PPFIBP1: variants seen among roughly 807,000 people sequenced by gnomAD.
PPFIBP1 encodes the protein liprin-beta-1.
A neutral mutation model predicts 137.8 loss-of-function variants in PPFIBP1; 112 were observed. That is an observed-to-expected ratio of 0.81 (90% CI 0.70 to 0.95). The LOEUF is 0.95. Ranked by LOEUF, PPFIBP1 falls within the 40% of genes least tolerant of loss-of-function variation. PPFIBP1 has a pLI of 0.00. For missense variants in PPFIBP1, 1,083 were observed against 1,196.6 expected, an observed-to-expected ratio of 0.91 and a Z score of 1.40; for synonymous variants, 378 against 417.3, an observed-to-expected ratio of 0.91 and a Z score of 1.15.
intron 1 of PPFIBP1, among the ~76,000 whole-genome samples, chr12:27,556,881 TCAAA>T (rs1158211686): frequency 4.3e-4 from 65 of 151,852 alleles, no homozygotes; most frequent in African/African-American, 1.5e-3. Flanking sequence ...TTACATTTGC[TCAAA>T]CATATATGTT....
At chr12:27,583,118 A>C (rs1338722759) in intron 2 of PPFIBP1, among the ~76,000 whole-genome samples, 1 of 152,168 alleles carries the variant, frequency 6.6e-6, no homozygotes, top group Non-Finnish European at 1.5e-5. Flanking sequence ...TTTGGATGTA[A>C]CTTTTCTTGC....
At chr12:27,655,597 G>T (rs975546154) in intron 8 of PPFIBP1, among the ~76,000 whole-genome samples, 1 of 152,208 alleles carries the variant, frequency 6.6e-6, no homozygotes, top group Non-Finnish European at 1.5e-5. Flanking sequence ...GATGGTAAAT[G>T]TACAGCAGTT....
chr12:27,632,326 A>ATG (rs2057322808), intron 2 of PPFIBP1, among the ~76,000 whole-genome samples: 1 of 152,226 alleles, frequency 6.6e-6, no homozygotes, highest in East Asian at 1.9e-4. Flanking sequence ...GGGAAACAGC[A>ATG]TGCCCTTTAT....
intron 4 of PPFIBP1, among the ~76,000 whole-genome samples, chr12:27,645,280 A>C (rs1305219582): frequency 6.6e-6 from 1 of 152,196 alleles, no homozygotes; most frequent in Non-Finnish European, 1.5e-5. Flanking sequence ...CGTACGTTTC[A>C]AAGTGGTGCT....
At chr12:27,559,491 A>G (rs757369883) in intron 1 of PPFIBP1, among the ~76,000 whole-genome samples, 3 of 152,192 alleles carry the variant, frequency 2.0e-5, no homozygotes, top group Non-Finnish European at 2.9e-5. Context: ...TTCAACATCA[A>G]TGAGTATGTA....
At chr12:27,591,873 A>G (rs2052557896) in intron 2 of PPFIBP1, among the ~76,000 whole-genome samples, 1 of 152,196 alleles carries the variant, frequency 6.6e-6, no homozygotes, top group Non-Finnish European at 1.5e-5. Flanking sequence ...ATTGAAATTA[A>G]TTTCCTCAGT....
chr12:27,674,762 G>T (rs1191650417), intron 17 of PPFIBP1, among the ~76,000 whole-genome samples: 1 of 149,298 alleles, frequency 6.7e-6, no homozygotes, highest in Non-Finnish European at 1.5e-5. Flanking sequence ...CAAACATTTT[G>T]GTATGTTTAA....
chr12:27,527,851 T>C (rs1045114705), intron 1 of PPFIBP1, among the ~76,000 whole-genome samples: 1 of 152,222 alleles, frequency 6.6e-6, no homozygotes, highest in Non-Finnish European at 1.5e-5. Flanking sequence ...GATTATTTTG[T>C]TATTTTTAAC....
intron 17 of PPFIBP1, among the ~76,000 whole-genome samples, chr12:27,675,763 A>G (rs1358810495): frequency 6.6e-6 from 1 of 152,166 alleles, no homozygotes; most frequent in Non-Finnish European, 1.5e-5. Flanking sequence ...CATGACATTG[A>G]TCTAGGCAAA....
rs572700507 is a variant in PPFIBP1, at chr12:27,693,004, C to T, written c.*122C>T. The T allele has an allele frequency of 1.7e-5, 24 of 1,423,754 alleles. No individual in the cohort carries two copies. The East Asian group carries it at 2.0e-4, about 12-fold the overall frequency. 88.2% of individuals were successfully genotyped at this position (1,423,754 alleles called of 1,614,324 possible). ...TGTTTGTTGTTCCAACTTCTGCTGTCGAGAAGTTTAAACAGAAAGCAGGAG... is the reference window on the plus strand; with the variant it reads ...TGTTTGTTGTTCCAACTTCTGCTGTTGAGAAGTTTAAACAGAAAGCAGGAG... On this transcript the variant is annotated 3_prime_UTR_variant, in exon 30 of 30. Coordinates refer to ENST00000228425, the MANE Select transcript of PPFIBP1 (RefSeq NM_003622.4).
At chr12:27,569,092 A>G (rs948115234) in intron 1 of PPFIBP1, among the ~76,000 whole-genome samples, 40 of 152,222 alleles carry the variant, frequency 2.6e-4, no homozygotes, top group African/African-American at 9.6e-4. Flanking sequence ...TGGCCCTGAA[A>G]CCATAATTGC....
Position 27,677,218 on chromosome 12 carries a change from A to G in PPFIBP1, c.1615+122A>G, listed in dbSNP as rs138783720. ...CAGCAATCAGAAAATGTAGTTCTCT[A>G]TTCCGGAGTGTTCTTTCCACCTTCT... On this transcript the variant is annotated intron_variant, in intron 19 of 29. Transcript: ENST00000228425. 116 of 1,231,016 alleles carry G rather than the reference A, an allele frequency of 9.4e-5. No homozygotes were observed. The African/African-American group carries it at 1.4e-3, about 15-fold the overall frequency. The allele number at this position is 1,231,016 out of a possible 1,614,324, so 76.3% of individuals were successfully genotyped here.
chr12:27,673,630 T>A, intron 15 of PPFIBP1, 137 bp from the exon 16 acceptor site: 1 of 674,918 alleles, frequency 1.5e-6, no homozygotes, highest in East Asian at 2.7e-5. Flanking sequence ...AGCACATAAG[T>A]GACTGCCTGA....
chr12:27,656,937 G>T, intron 9 of PPFIBP1: 1 of 454,192 alleles, frequency 2.2e-6, no homozygotes, highest in South Asian at 2.5e-5. Context: ...TGGAAAAGGG[G>T]AATTCTGTAC....
chr12:27,595,093 T>G (rs542296356), intron 2 of PPFIBP1, among the ~76,000 whole-genome samples: 1 of 152,348 alleles, frequency 6.6e-6, no homozygotes, highest in South Asian at 2.1e-4. Context: ...TATATTACAG[T>G]CTTCTGCTGG....
intron 2 of PPFIBP1, among the ~76,000 whole-genome samples, chr12:27,619,891 T>C (rs1490961704): frequency 6.6e-6 from 1 of 152,004 alleles, no homozygotes; most frequent in African/African-American, 2.4e-5. Flanking sequence ...GTATTCAGAA[T>C]ATATAGCAAT....
At chr12:27,617,133 A>G (rs559070940) in intron 2 of PPFIBP1, among the ~76,000 whole-genome samples, 39 of 152,314 alleles carry the variant, frequency 2.6e-4, no homozygotes, top group Non-Finnish European at 4.1e-4. Context: ...TCCTTATATG[A>G]AGATAATTCA....
chr12:27,687,287 G>C, intron 24 of PPFIBP1, 98 bp from the exon 25 acceptor site: 1 of 1,431,784 alleles, frequency 7.0e-7, no homozygotes, highest in East Asian at 2.4e-5. Context: ...TGGTTTGAGG[G>C]GCTCTTCTCC....
At chr12:27,579,299 C>T (rs1399732125) in intron 2 of PPFIBP1, among the ~76,000 whole-genome samples, 7 of 152,194 alleles carry the variant, frequency 4.6e-5, no homozygotes, top group African/African-American at 1.7e-4. Flanking sequence ...TCAGTCAGCT[C>T]TTTGCTGAAG....
Sources: allele counts gnomAD v4.1 joint callset (sites outside exome capture counted in the v4.1 genomes callset), GRCh38; gene constraint gnomAD v4.1.1; transcripts MANE v1.5; gene names NCBI Gene and HGNC (gene_info 2026-07-23, HGNC 2026-07-21).